DLGAP1: variants seen among roughly 807,000 people sequenced by gnomAD.
DLGAP1 encodes disks large-associated protein 1.
Under a neutral mutation model 90.8 loss-of-function variants are expected in DLGAP1, and 11 were observed. That is an observed-to-expected ratio of 0.12 (90% CI 0.08 to 0.20). The LOEUF (loss-of-function observed/expected upper bound fraction) is 0.20, where lower values mean the gene tolerates loss of function less well. Among genes scored for constraint, DLGAP1 ranks in the 10% least tolerant of loss-of-function variants. DLGAP1 has a pLI of 1.00. For missense variants in DLGAP1, 1,050 were observed against 1,333.8 expected, an observed-to-expected ratio of 0.79 and a Z score of 3.31; for synonymous variants, 558 against 540.7, an observed-to-expected ratio of 1.03 and a Z score of -0.44.
intron 1 of DLGAP1, among the ~76,000 whole-genome samples, chr18:4,269,165 G>A (rs1368370865): frequency 2.0e-5 from 3 of 151,438 alleles, no homozygotes; most frequent in African/African-American, 7.3e-5. Context: ...ATTGCAGTAA[G>A]ATATAGTAAA....
At chr18:4,179,931 G>C (rs1012589590) in intron 1 of DLGAP1, among the ~76,000 whole-genome samples, 3 of 152,098 alleles carry the variant, frequency 2.0e-5, no homozygotes, top group Admixed American at 1.3e-4. Flanking sequence ...TTTATCAGTT[G>C]TTTTGGGGTG....
chr18:4,001,706 C>A (rs78763298), intron 3 of DLGAP1, among the ~76,000 whole-genome samples: 1,550 of 152,268 alleles, frequency 0.01, 26 homozygotes, highest in African/African-American at 0.035. Flanking sequence ...AATTTGGATT[C>A]TATTCCAGTA....
At chr18:3,596,555 CTTT>C (rs35616000) in intron 7 of DLGAP1, 246 of 191,688 alleles carry the variant, frequency 1.3e-3, no homozygotes, top group South Asian at 4.0e-3. Context: ...GTTAGGAGAA[CTTT>C]TTTTTTTTTT....
rs187472909 is a variant in DLGAP1 at position 3,943,147 on chromosome 18, A to G, written c.-73+61969T>C. On this transcript the variant is annotated intron_variant, in intron 3 of 12. Transcript: ENST00000315677. ...TCTGGTTATTTAGTTCCCTGGCATC[A>G]ATCTCCTATCTTCAACTTCACCTGC... Among the ~76,000 whole-genome samples, 95 of 152,108 alleles carry G rather than the reference A, an allele frequency of 6.2e-4. 1 individual carries two copies. Among genetic ancestry groups the G allele is most frequent in the Non-Finnish European group, 1.1e-3 (72 of 68,006 alleles).
In DLGAP1 at chr18:3,641,097, C is replaced by T. The variant is rs191249668; in HGVS notation, c.1592-58849G>A. 7.6e-4 allele frequency among the ~76,000 whole-genome samples: 116 copies of T among 152,098 alleles called. 2 individuals carry two copies. In the East Asian group the frequency reaches 0.021, roughly 28 times the overall value. On this transcript the variant is annotated intron_variant, in intron 7 of 12. Transcript: ENST00000315677. The stretch of plus-strand genomic sequence containing the variant: ...CAGCAAACAAGAGTACACTAGTATT[C>T]CATACAAGTAAGACAATGTATTATA...
At chr18:3,542,129 A>G (rs7236068) in intron 9 of DLGAP1, among the ~76,000 whole-genome samples, 6 of 152,334 alleles carry the variant, frequency 3.9e-5, no homozygotes, top group African/African-American at 1.4e-4. Flanking sequence ...TGTTATGTGT[A>G]ATGTATAAAA....
At chr18:3,580,107 C>G in intron 8 of DLGAP1, 1 of 926,364 alleles carries the variant, frequency 1.1e-6, no homozygotes, top group African/African-American at 1.6e-5. Context: ...GCTTGAGTCA[C>G]ACATTCAATT....
At chr18:3,768,873 T>C (rs181291142) in intron 5 of DLGAP1, among the ~76,000 whole-genome samples, 206 of 152,288 alleles carry the variant, frequency 1.4e-3, no homozygotes, top group African/African-American at 4.5e-3. Context: ...GCAGAGTTCT[T>C]AGAATCAACA....
At chr18:4,077,030 C>G (rs1346124211) in intron 2 of DLGAP1, among the ~76,000 whole-genome samples, 1 of 152,126 alleles carries the variant, frequency 6.6e-6, no homozygotes, top group African/African-American at 2.4e-5. Context: ...ACCTGTTCTG[C>G]TCAGAGAAGG....
At position 3,888,554 on chromosome 18, in the gene DLGAP1, TA is replaced by T. The variant is rs35335361; in HGVS notation, c.-72-8415del. Among the ~76,000 whole-genome samples, 709 of 141,134 alleles carry T rather than the reference TA, an allele frequency of 5.0e-3. 2 individuals are homozygous for T. The highest frequency in any genetic ancestry group is 0.014 in the African/African-American group (537 of 38,926). 92.6% of individuals were successfully genotyped at this position (141,134 alleles called of 152,430 possible). A position where few individuals can be genotyped will look rare whatever the true frequency, so the allele number is the denominator to read the frequency against. ...TCCTTTTCAAAAGATATGGTATTGT[TA>T]AAAAAAAAAAAACCAACGACTCAAC... On this transcript the variant is annotated intron_variant, in intron 3 of 12. Coordinates refer to ENST00000315677, the MANE Select transcript of DLGAP1 (RefSeq NM_004746.4).
At chr18:4,134,046 A>G (rs2076360677) in intron 2 of DLGAP1, among the ~76,000 whole-genome samples, 1 of 152,142 alleles carries the variant, frequency 6.6e-6, no homozygotes, top group African/African-American at 2.4e-5. Context: ...TGAATTTATA[A>G]TTTCATGATG....
chr18:4,356,166 A>AT (rs199539345), intron 1 of DLGAP1, among the ~76,000 whole-genome samples: 4,196 of 148,492 alleles, frequency 0.028, 71 homozygotes, highest in Non-Finnish European at 0.037. Context: ...GACTCTCCCG[A>AT]TTTTTTTTTT....
chr18:4,380,495 C>G (rs2082092502), intron 1 of DLGAP1, among the ~76,000 whole-genome samples: 1 of 146,410 alleles, frequency 6.8e-6, no homozygotes. Flanking sequence ...ACAAATCACT[C>G]CCTTTCCCCC....
At chr18:4,402,612 A>T (rs556944418) in intron 1 of DLGAP1, among the ~76,000 whole-genome samples, 1 of 152,024 alleles carries the variant, frequency 6.6e-6, no homozygotes, top group Non-Finnish European at 1.5e-5. Flanking sequence ...CTCAAAGCCA[A>T]TTTTTTTTAA....
At chr18:3,779,004 G>A (rs1418597697) in intron 5 of DLGAP1, among the ~76,000 whole-genome samples, 2 of 152,096 alleles carry the variant, frequency 1.3e-5, no homozygotes, top group Admixed American at 6.5e-5. Context: ...ACTCTGACTA[G>A]GTCATCCCCC....
At chr18:4,241,063 G>A (rs1212052640) in intron 1 of DLGAP1, among the ~76,000 whole-genome samples, 2 of 152,144 alleles carry the variant, frequency 1.3e-5, no homozygotes, top group Admixed American at 1.3e-4. Context: ...GTTAACTTGA[G>A]CAATTCATTT....
At chr18:3,609,034 C>G (rs909266546) in intron 7 of DLGAP1, among the ~76,000 whole-genome samples, 1 of 151,920 alleles carries the variant, frequency 6.6e-6, no homozygotes, top group Non-Finnish European at 1.5e-5. Flanking sequence ...CAGGGTTTCA[C>G]CATGTTGGCC....
At chr18:3,753,157 C>A (rs1598598162) in intron 5 of DLGAP1, among the ~76,000 whole-genome samples, 1 of 152,204 alleles carries the variant, frequency 6.6e-6, no homozygotes, top group Admixed American at 6.5e-5. Context: ...AACTAAGTAA[C>A]CAAAGGCAGG....
chr18:3,735,385 A>G (rs1207318841), intron 6 of DLGAP1, among the ~76,000 whole-genome samples: 1 of 152,110 alleles, frequency 6.6e-6, no homozygotes, highest in Non-Finnish European at 1.5e-5. Context: ...ACGCCTGGCT[A>G]ACTTTTTTTT....
Sources: allele counts gnomAD v4.1 joint callset (sites outside exome capture counted in the v4.1 genomes callset), GRCh38; gene constraint gnomAD v4.1.1; transcripts MANE v1.5; gene names NCBI Gene and HGNC (gene_info 2026-07-23, HGNC 2026-07-21).